Variants in TBC1D2B observed in about 807,000 individuals in gnomAD.
TBC1D2B encodes TBC1 domain family member 2B.
A neutral mutation model predicts 100.8 loss-of-function variants in TBC1D2B; 64 were observed. The ratio of observed to expected loss-of-function variants is 0.64; its 90% CI spans 0.52 to 0.78. The LOEUF is 0.78. TBC1D2B is among the 30% of genes least tolerant of loss of function. TBC1D2B has a pLI of 0.00. For synonymous variants in TBC1D2B, 480 were observed against 479.7 expected (o/e 1.00, Z -0.01); for missense variants, 1,052 against 1,218.4 (o/e 0.86, Z 2.03).
At chr15:78,064,906 C>T (rs904097102) in intron 1 of TBC1D2B, among the ~76,000 whole-genome samples, 1 of 152,218 alleles carries the variant, frequency 6.6e-6, no homozygotes, top group Non-Finnish European at 1.5e-5. Flanking sequence ...CTGAACATAA[C>T]AAATTCTCCT....
In TBC1D2B at chr15:77,995,083, A is replaced by C. The variant is rs2071712870; in HGVS notation, c.*3077T>G. The C allele has an allele frequency of 2.0e-5, 3 of 152,224 alleles. No homozygotes were observed. Among genetic ancestry groups the C allele is most frequent in the Non-Finnish European group, 4.4e-5 (3 of 68,040 alleles). 9.4% of individuals were successfully genotyped at this position (152,224 alleles called of 1,614,324 possible). ...GAGCTGCTGTGATATAAAAGGAGAG[A>C]GTCACCTGGCGCCCCCTGCAGTCCT... On this transcript the variant is annotated 3_prime_UTR_variant, in exon 13 of 13. Transcript: ENST00000300584.
chr15:78,053,584 GT>G (rs1057135154), intron 2 of TBC1D2B, among the ~76,000 whole-genome samples: 4 of 152,222 alleles, frequency 2.6e-5, no homozygotes, highest in African/African-American at 9.6e-5. Flanking sequence ...TGAAATCAAT[GT>G]TTGAAGGTTA....
Position 78,054,094 on chromosome 15 carries a change from T to C in TBC1D2B, c.454A>G (p.Ser152Gly). The C allele has an allele frequency of 6.2e-7, 1 of 1,613,974 alleles. No individual in the cohort carries two copies. The change falls in exon 2 of 13, where the codon AGC becomes GGC. Residue 152 changes from serine (S) to glycine (G), a missense_variant. Coordinates refer to ENST00000300584, the MANE Select transcript of TBC1D2B (RefSeq NM_144572.2). ...CNSLDMVKWD[S>G]RTSPTPGDFP... ...TCCCCGGGAGTTGGAGAGGTCCTGCTGTCCCACTTGACCATGTCAAGACTG... is the reference window on the plus strand; with the variant it reads ...TCCCCGGGAGTTGGAGAGGTCCTGCCGTCCCACTTGACCATGTCAAGACTG...
intron 1 of TBC1D2B, among the ~76,000 whole-genome samples, chr15:78,072,181 C>T (rs2073751715): frequency 6.6e-6 from 1 of 152,162 alleles, no homozygotes; most frequent in Non-Finnish European, 1.5e-5. Context: ...GTGCCAGATA[C>T]TGTTGCAGGA....
At position 78,044,927 on chromosome 15, in the gene TBC1D2B, G is replaced by A. The variant is rs1410988581; in HGVS notation, c.656C>T (p.Ser219Phe). The A allele has an allele frequency of 6.2e-7, 1 of 1,612,910 alleles. No homozygotes were observed. Among genetic ancestry groups the A allele is most frequent in the Non-Finnish European group, 8.5e-7 (1 of 1,179,344 alleles). ...GAGCTCATTGCCCCACTGTTTCAAAGAGTAAAAATTAATGGAATTTGGATG... is the reference window on the plus strand; with the variant it reads ...GAGCTCATTGCCCCACTGTTTCAAAAAGTAAAAATTAATGGAATTTGGATG... ...PGHPNSINFY[S>F]LKQWGNELKN... is the part of the protein sequence containing the mutation. Residue 219 changes from serine (S) to phenylalanine (F), a missense_variant, in exon 3 of 13, where the codon TCT (serine) becomes TTT (phenylalanine). This residue lies in a region of TBC1D2B where 627 missense variants were observed against 646.1 expected (regional missense o/e 0.97). Coordinates refer to ENST00000300584, the MANE Select transcript of TBC1D2B (RefSeq NM_144572.2).
chr15:78,062,745 T>C (rs2073574380), intron 1 of TBC1D2B, among the ~76,000 whole-genome samples: 1 of 152,146 alleles, frequency 6.6e-6, no homozygotes, highest in South Asian at 2.1e-4. Flanking sequence ...TCTTCCATAA[T>C]ATATATTTGC....
intron 4 of TBC1D2B, among the ~76,000 whole-genome samples, chr15:78,026,894 T>A (rs1596315480): frequency 7.5e-6 from 1 of 133,728 alleles, no homozygotes. Flanking sequence ...AGAGCGAATC[T>A]CCATCTCAAA....
chr15:78,043,820 T>C (rs533064246), intron 3 of TBC1D2B, among the ~76,000 whole-genome samples: 62 of 152,024 alleles, frequency 4.1e-4, no homozygotes, highest in South Asian at 3.9e-3. Flanking sequence ...GCCCAGAAGT[T>C]GAGACCAGCC....
intron 12 of TBC1D2B, 47 bp downstream of exon 12, chr15:78,001,572 T>G (rs1596305169): frequency 6.4e-7 from 1 of 1,565,392 alleles, no homozygotes. Context: ...GAGGCAGGGG[T>G]CAGGCTTCCT....
chr15:78,043,287 C>T (rs2073126664), intron 3 of TBC1D2B, among the ~76,000 whole-genome samples: 1 of 152,206 alleles, frequency 6.6e-6, no homozygotes. Context: ...AGTGGGACCC[C>T]TTATGGAGCT....
rs2072052874 is a variant in TBC1D2B, at chr15:78,005,854, ATT to A, written c.2389-2366_2389-2365del. ...GGGAAAAAGTCTCCTTAGATTTTAC[ATT>A]TATGTTTATGTGACAATGTGATGCA... On this transcript the variant is annotated intron_variant, in intron 10 of 12. Transcript: ENST00000300584. 2.0e-5 allele frequency among the ~76,000 whole-genome samples: 3 copies of A among 152,290 alleles called. No homozygotes were observed. In the South Asian group the frequency reaches 6.2e-4, roughly 32 times the overall value.
intron 1 of TBC1D2B, among the ~76,000 whole-genome samples, chr15:78,070,090 C>G (rs2073720144): frequency 6.6e-6 from 1 of 152,224 alleles, no homozygotes; most frequent in Non-Finnish European, 1.5e-5. Context: ...GACCAAAATC[C>G]TGCCCTGGCC....
intron 3 of TBC1D2B, among the ~76,000 whole-genome samples, chr15:78,031,564 AAAAAAAAAAAAG>A (rs1166015494): frequency 2.0e-5 from 3 of 150,300 alleles, no homozygotes; most frequent in African/African-American, 7.3e-5. Context: ...CAAAAAAAAA[AAAAAAAAAAAAG>A]AGAGAGAGAG....
At chr15:78,046,814 C>G (rs1024138623) in intron 2 of TBC1D2B, among the ~76,000 whole-genome samples, 2 of 152,162 alleles carry the variant, frequency 1.3e-5, no homozygotes, top group African/African-American at 4.8e-5. Context: ...CAATCAGAGT[C>G]AGCAAGAACA....
At chr15:78,014,353 C>T (rs2072313421) in intron 8 of TBC1D2B, among the ~76,000 whole-genome samples, 1 of 152,200 alleles carries the variant, frequency 6.6e-6, no homozygotes, top group Admixed American at 6.5e-5. Context: ...TGAGCGTAAA[C>T]TTACTCAAGC....
chr15:78,056,162 G>A (rs906791539), intron 1 of TBC1D2B, among the ~76,000 whole-genome samples: 1 of 152,202 alleles, frequency 6.6e-6, no homozygotes, highest in African/African-American at 2.4e-5. Flanking sequence ...GTGAATGAAT[G>A]AATAATCAGA....
chr15:78,023,234 T>C (rs1176230899), intron 6 of TBC1D2B, among the ~76,000 whole-genome samples: 2 of 152,078 alleles, frequency 1.3e-5, no homozygotes, highest in Non-Finnish European at 2.9e-5. Flanking sequence ...AAGATGAGGG[T>C]GGCCAGGTGA....
At chr15:78,045,369 A>T (rs1211972668) in intron 2 of TBC1D2B, among the ~76,000 whole-genome samples, 1 of 152,212 alleles carries the variant, frequency 6.6e-6, no homozygotes, top group Non-Finnish European at 1.5e-5. Context: ...GCAGACCAAT[A>T]ACCCTCACCA....
intron 1 of TBC1D2B, among the ~76,000 whole-genome samples, chr15:78,070,217 C>T (rs2073722105): frequency 1.3e-5 from 2 of 152,072 alleles, no homozygotes; most frequent in African/African-American, 4.8e-5. Context: ...ATGCCATTTC[C>T]TCTCCCTACA....
Sources: allele counts gnomAD v4.1 joint callset (sites outside exome capture counted in the v4.1 genomes callset), GRCh38; gene constraint gnomAD v4.1.1; regional missense constraint gnomAD v4.1.1; transcripts MANE v1.5; gene names NCBI Gene and HGNC (gene_info 2026-07-23, HGNC 2026-07-21).